Variants in CRTAC1 observed in about 807,000 individuals in gnomAD.
CRTAC1 encodes the protein cartilage acidic protein 1, also known as acidic secreted protein in cartilage.
Under a neutral mutation model 67.8 loss-of-function variants are expected in CRTAC1, and 37 were observed. The ratio of observed to expected loss-of-function variants is 0.55; its 90% CI spans 0.42 to 0.72. The LOEUF (loss-of-function observed/expected upper bound fraction) is 0.72, where lower values mean the gene tolerates loss of function less well. Ranked by LOEUF, CRTAC1 falls within the 30% of genes least tolerant of loss-of-function variation. The pLI, the probability that CRTAC1 is intolerant of heterozygous loss-of-function variation, is 0.00. For missense variants in CRTAC1, 780 were observed against 931.6 expected, an observed-to-expected ratio of 0.84 and a Z score of 2.12; for synonymous variants, 348 against 371.0, an observed-to-expected ratio of 0.94 and a Z score of 0.71.
intron 4 of CRTAC1, 88 bp from the exon 5 acceptor site, chr10:97,917,744 C>A: frequency 9.0e-7 from 1 of 1,110,552 alleles, no homozygotes; most frequent in Non-Finnish European, 1.2e-6. Context: ...AGGACCATAG[C>A]TCTTTCACAG....
At chr10:97,991,098 A>AC (rs1482885339) in intron 2 of CRTAC1, among the ~76,000 whole-genome samples, 1 of 125,268 alleles carries the variant, frequency 8.0e-6, no homozygotes, top group African/African-American at 3.4e-5. Context: ...AACCATCTCT[A>AC]CAAAAAAAAA....
intron 1 of CRTAC1, among the ~76,000 whole-genome samples, chr10:98,024,097 G>A (rs939087249): frequency 1.3e-5 from 2 of 152,204 alleles, no homozygotes; most frequent in African/African-American, 4.8e-5. Context: ...AATCTCCACC[G>A]AGGTGGCTGC....
chr10:97,922,269 C>CT (rs1192945628), intron 4 of CRTAC1, among the ~76,000 whole-genome samples: 1 of 152,216 alleles, frequency 6.6e-6, no homozygotes, highest in Non-Finnish European at 1.5e-5. Context: ...AGCTTGGCTT[C>CT]TCTTCCCAGC....
intron 2 of CRTAC1, among the ~76,000 whole-genome samples, chr10:97,979,665 G>A (rs959293502): frequency 6.6e-6 from 1 of 152,154 alleles, no homozygotes; most frequent in Non-Finnish European, 1.5e-5. Context: ...GCAGAGCGGT[G>A]GTTCTCAGCC....
At chr10:98,017,270 A>T (rs1289623515) in intron 1 of CRTAC1, among the ~76,000 whole-genome samples, 3 of 152,152 alleles carry the variant, frequency 2.0e-5, no homozygotes, top group African/African-American at 7.2e-5. Context: ...CTCTCCCAAC[A>T]ATCAGCGGAG....
At chr10:97,923,170 G>A in intron 4 of CRTAC1, 94 bp downstream of exon 4, 1 of 1,466,552 alleles carries the variant, frequency 6.8e-7, no homozygotes, top group Non-Finnish European at 9.4e-7. Flanking sequence ...GACACCGCGG[G>A]AGACGCCACT....
chr10:97,912,310 C>A (rs928114980), intron 5 of CRTAC1, among the ~76,000 whole-genome samples: 1 of 152,178 alleles, frequency 6.6e-6, no homozygotes, highest in African/African-American at 2.4e-5. Context: ...GGTGTGACTG[C>A]TCCTCCCTGC....
intron 14 of CRTAC1, chr10:97,879,867 G>A: frequency 8.5e-7 from 1 of 1,171,564 alleles, no homozygotes; most frequent in Non-Finnish European, 1.2e-6. Context: ...GGACGGGGTG[G>A]GGGTGGAGGA....
At chr10:97,931,271 G>A (rs1405744327) in intron 3 of CRTAC1, among the ~76,000 whole-genome samples, 2 of 152,168 alleles carry the variant, frequency 1.3e-5, no homozygotes, top group Admixed American at 6.5e-5. Context: ...CCCTAGGAAG[G>A]ACAATCTGGC....
intron 1 of CRTAC1, among the ~76,000 whole-genome samples, chr10:98,015,375 G>A (rs1444261088): frequency 2.0e-5 from 3 of 152,164 alleles, no homozygotes; most frequent in Non-Finnish European, 2.9e-5. Context: ...AGTGTTTAGT[G>A]GATTATGGAG....
At chr10:97,953,857 C>T (rs1319953255) in intron 2 of CRTAC1, among the ~76,000 whole-genome samples, 2 of 152,184 alleles carry the variant, frequency 1.3e-5, no homozygotes, top group African/African-American at 4.8e-5. Flanking sequence ...ACCAGGGATT[C>T]CTTTTGGCAA....
rs565055819 is a variant in CRTAC1 at position 97,976,405 on chromosome 10, G to A, written c.224+34733C>T. The stretch of plus-strand genomic sequence containing the variant: ...GGCCTGAGGCAGGTTTCCTGATCTT[G>A]CTAGGCTTCACCTGTCTCACCTATA... On this transcript the variant is annotated intron_variant, in intron 2 of 14. Transcript: ENST00000370597. Among the ~76,000 whole-genome samples the A allele has an allele frequency of 3.3e-5, 5 of 152,306 alleles. No homozygotes were observed. The South Asian group carries it at 8.3e-4, about 25-fold the overall frequency.
intron 2 of CRTAC1, among the ~76,000 whole-genome samples, chr10:97,966,299 C>A (rs145869865): frequency 5.3e-4 from 80 of 152,284 alleles, no homozygotes; most frequent in African/African-American, 1.9e-3. Context: ...TAGTACAGAC[C>A]GGGTTTTGCC....
intron 1 of CRTAC1, among the ~76,000 whole-genome samples, chr10:98,022,891 G>T (rs991079703): frequency 6.6e-6 from 1 of 152,158 alleles, no homozygotes; most frequent in Non-Finnish European, 1.5e-5. Flanking sequence ...GGCCAGGGGT[G>T]GGGTAGGGCA....
chr10:97,880,311 C>A lies in CRTAC1; in HGVS notation c.1757G>T (p.Cys586Phe). ...VCVNTYGSYR[C>F]RTNKKCSRGY... ...CCGACTGCACTTCTTGTTGGTCCGG[C>A]ACCTGTAGCTTCCATAGGTGTTGAC... Residue 586 changes from cysteine (C) to phenylalanine (F), a missense_variant, in exon 14 of 15, where the codon TGC becomes TTC. By Grantham distance (205) the Cys-to-Phe change is radical. Coordinates refer to ENST00000370597, the MANE Select transcript of CRTAC1 (RefSeq NM_018058.7). The A allele has an allele frequency of 6.2e-7, 1 of 1,614,226 alleles. No homozygotes were observed. Among genetic ancestry groups the A allele is most frequent in the African/African-American group, 1.3e-5 (1 of 75,052 alleles).
intron 2 of CRTAC1, among the ~76,000 whole-genome samples, chr10:97,976,661 T>C (rs1296185583): frequency 6.6e-6 from 1 of 152,228 alleles, no homozygotes; most frequent in African/African-American, 2.4e-5. Context: ...CCATTGCCAC[T>C]GCTTCCACAA....
At chr10:97,929,373 G>A (rs2050968726) in intron 3 of CRTAC1, among the ~76,000 whole-genome samples, 1 of 152,164 alleles carries the variant, frequency 6.6e-6, no homozygotes, top group African/African-American at 2.4e-5. Context: ...GGCACCTAGA[G>A]CCACTGGGAG....
chr10:97,879,865 T>TGGGGGGGGGGGGGGGGGGG, intron 14 of CRTAC1: 4 of 226,622 alleles, frequency 1.8e-5, no homozygotes, highest in East Asian at 9.8e-5. Flanking sequence ...GGGGACGGGG[T>TGGGGGGGGGGGGGGGGGGG]GGGGGTGGAG....
In CRTAC1 at chr10:97,909,125, T is replaced by C. The variant is rs919580058; in HGVS notation, c.716-978A>G. 2.0e-5 allele frequency among the ~76,000 whole-genome samples: 3 copies of C among 152,186 alleles called. No homozygotes were observed. In the South Asian group the frequency reaches 6.2e-4, roughly 32 times the overall value. On this transcript the variant is annotated intron_variant, in intron 5 of 14. Coordinates refer to ENST00000370597, the MANE Select transcript of CRTAC1 (RefSeq NM_018058.7). ...GGAAAGAAATCAAGCCAGCTCCACA[T>C]TGGGCTTTGAAGTCTCTAAGATCAA...
Sources: allele counts gnomAD v4.1 joint callset (sites outside exome capture counted in the v4.1 genomes callset), GRCh38; gene constraint gnomAD v4.1.1; transcripts MANE v1.5; gene names NCBI Gene and HGNC (gene_info 2026-07-23, HGNC 2026-07-21).